Variants in ZNF431 observed in about 807,000 individuals in gnomAD.
The protein encoded by ZNF431 is zinc finger protein 431.
In ZNF431, 34 loss-of-function variants were observed where a neutral mutation model predicts 57.0. The ratio of observed to expected loss-of-function variants is 0.60; its 90% CI spans 0.45 to 0.79. The LOEUF is 0.79. Ranked by LOEUF, ZNF431 falls within the 30% of genes least tolerant of loss-of-function variation. The probability of loss-of-function intolerance (pLI) is 0.00; values close to 1 mark genes in which losing one functional copy is unlikely to be tolerated. For synonymous variants in ZNF431, 207 were observed against 220.3 expected, an observed-to-expected ratio of 0.94 and a Z score of 0.54; for missense variants, 607 against 667.1, an observed-to-expected ratio of 0.91 and a Z score of 0.99.
chr19:21,145,310 C>T lies in ZNF431; in HGVS notation c.96+1667C>T, dbSNP rs181988010. Among the ~76,000 whole-genome samples the T allele has an allele frequency of 8.5e-5, 13 of 152,128 alleles. No individual in the cohort carries two copies. In the East Asian group the frequency reaches 2.5e-3, roughly 29 times the overall value. ...CTAACACGGTGAAAGCCCGTCTCTACTAAAAATACAAAAAAATTAGCCAGG... is the reference window on the plus strand; with the variant it reads ...CTAACACGGTGAAAGCCCGTCTCTATTAAAAATACAAAAAAATTAGCCAGG... On this transcript the variant is annotated intron_variant, in intron 2 of 4. Coordinates refer to ENST00000311048, the MANE Select transcript of ZNF431 (RefSeq NM_133473.4).
At chr19:21,149,676 G>A in intron 2 of ZNF431, 1 of 566,618 alleles carries the variant, frequency 1.8e-6, no homozygotes. Context: ...AAGTTCTTTA[G>A]TCTTTGCCTT....
chr19:21,176,757 G>T (rs1050703123), intron 4 of ZNF431, among the ~76,000 whole-genome samples: 2 of 151,954 alleles, frequency 1.3e-5, no homozygotes, highest in African/African-American at 4.8e-5. Context: ...GAGTGCAGTG[G>T]CACGGTCTTG....
intron 1 of ZNF431, among the ~76,000 whole-genome samples, chr19:21,143,338 G>GT (rs1231468991): frequency 6.6e-6 from 1 of 152,062 alleles, no homozygotes; most frequent in Non-Finnish European, 1.5e-5. Context: ...TTTTCTCCTT[G>GT]TATCTTCTCT....
chr19:21,159,410 G>C (rs924993596), intron 2 of ZNF431, among the ~76,000 whole-genome samples: 7 of 152,002 alleles, frequency 4.6e-5, no homozygotes, highest in African/African-American at 1.7e-4. Flanking sequence ...GTCTCACTCT[G>C]TTGCCAGGCT....
At chr19:21,174,018 G>A (rs558935688) in intron 4 of ZNF431, among the ~76,000 whole-genome samples, 12 of 144,048 alleles carry the variant, frequency 8.3e-5, no homozygotes, top group South Asian at 6.8e-4. Flanking sequence ...CAATCTCGAC[G>A]CACTGCAACC....
At chr19:21,167,299 A>G (rs1186494129) in intron 3 of ZNF431, among the ~76,000 whole-genome samples, 1 of 151,564 alleles carries the variant, frequency 6.6e-6, no homozygotes, top group Non-Finnish European at 1.5e-5. Context: ...TGCTGGGACT[A>G]CAGGCACCTG....
chr19:21,178,291 A>G (rs2145036772), intron 4 of ZNF431, among the ~76,000 whole-genome samples: 1 of 151,986 alleles, frequency 6.6e-6, no homozygotes, highest in South Asian at 2.1e-4. Context: ...TTCCTATTTG[A>G]ATATCACTTA....
chr19:21,183,364 A>T lies in ZNF431; in HGVS notation c.1061A>T (p.Asn354Ile). The change falls in exon 5 of 5, where the codon AAT (asparagine) becomes ATT (isoleucine). Residue 354 changes from asparagine to isoleucine, a missense_variant. Coordinates refer to ENST00000311048, the MANE Select transcript of ZNF431 (RefSeq NM_133473.4). ...YKCEECDKAF[N>I]RFSYLTKHKI... ...TGTGAGGAATGTGACAAAGCTTTTA[A>T]TCGATTCTCATACCTTACTAAACAT... The T allele has an allele frequency of 6.2e-7, 1 of 1,613,774 alleles. No individual in the cohort carries two copies. Among genetic ancestry groups the T allele is most frequent in the Non-Finnish European group, 8.5e-7 (1 of 1,179,838 alleles).
chr19:21,155,198 T>A (rs1486654016), intron 2 of ZNF431, among the ~76,000 whole-genome samples: 1 of 152,214 alleles, frequency 6.6e-6, no homozygotes, highest in Non-Finnish European at 1.5e-5. Context: ...AATTTTTGTA[T>A]AAGGTGTAAG....
chr19:21,176,196 A>C (rs1971047109), intron 4 of ZNF431, among the ~76,000 whole-genome samples: 1 of 150,698 alleles, frequency 6.6e-6, no homozygotes, highest in Non-Finnish European at 1.5e-5. Flanking sequence ...GCTCCACATA[A>C]ATGTCTTCTT....
rs1381284005 is a variant in ZNF431 at position 21,189,445 on chromosome 19, T to C, written c.*5411T>C. 6.6e-6 allele frequency: 1 copy of C among 151,426 alleles called. No individual in the cohort carries two copies. The highest frequency in any genetic ancestry group is 2.4e-5 in the African/African-American group (1 of 41,088). 9.4% of individuals were successfully genotyped at this position (151,426 alleles called of 1,614,324 possible). Reference sequence around the variant, plus strand: ...TTGCAGGGAGCCGAGATTGCACCACTGCACTCCAGACTGGGGGACAGAGTG... The same window carrying C: ...TTGCAGGGAGCCGAGATTGCACCACCGCACTCCAGACTGGGGGACAGAGTG... On this transcript the variant is annotated 3_prime_UTR_variant, in exon 5 of 5. Coordinates refer to ENST00000311048, the MANE Select transcript of ZNF431 (RefSeq NM_133473.4).
rs141424919 is a variant in ZNF431 at position 21,170,114 on chromosome 19, A to G, written c.319+2448A>G. Among the ~76,000 whole-genome samples the G allele has an allele frequency of 7.5e-4, 114 of 152,236 alleles. 1 individual carries two copies. The highest frequency in any genetic ancestry group is 2.6e-3 in the African/African-American group (106 of 41,562). ...CTGTCCTCTGAAAAAACACTCCTCAATCTTGGGCTTTAGCAGAGTTTCACA... is the reference window on the plus strand; with the variant it reads ...CTGTCCTCTGAAAAAACACTCCTCAGTCTTGGGCTTTAGCAGAGTTTCACA... On this transcript the variant is annotated intron_variant, in intron 4 of 4. Coordinates refer to ENST00000311048, the MANE Select transcript of ZNF431 (RefSeq NM_133473.4).
chr19:21,164,192 TCTAAG>T (rs1163844762), intron 2 of ZNF431, among the ~76,000 whole-genome samples: 1 of 152,060 alleles, frequency 6.6e-6, no homozygotes, highest in African/African-American at 2.4e-5. Flanking sequence ...CTCATGTGAC[TCTAAG>T]CTGAGGCCAG....
intron 2 of ZNF431, among the ~76,000 whole-genome samples, chr19:21,157,556 C>T (rs1970451431): frequency 6.6e-6 from 1 of 151,252 alleles, no homozygotes. Flanking sequence ...TTTTTTTAGA[C>T]AGAGTCTTGC....
At chr19:21,151,704 G>A (rs1176426472) in intron 2 of ZNF431, among the ~76,000 whole-genome samples, 1 of 152,130 alleles carries the variant, frequency 6.6e-6, no homozygotes, top group Non-Finnish European at 1.5e-5. Flanking sequence ...GCCTTAAGGG[G>A]TCCTAGGCCT....
chr19:21,161,714 C>T (rs776592647), intron 2 of ZNF431, among the ~76,000 whole-genome samples: 31 of 151,724 alleles, frequency 2.0e-4, no homozygotes, highest in African/African-American at 5.6e-4. Context: ...AGTGCAGTGG[C>T]GCAATCTAGG....
intron 2 of ZNF431, among the ~76,000 whole-genome samples, chr19:21,154,627 G>T (rs1970368235): frequency 6.6e-6 from 1 of 152,062 alleles, no homozygotes; most frequent in Non-Finnish European, 1.5e-5. Flanking sequence ...CTAGTTTACA[G>T]TCCCACCAAC....
intron 4 of ZNF431, among the ~76,000 whole-genome samples, chr19:21,182,276 G>A (rs774069860): frequency 6.6e-6 from 1 of 152,008 alleles, no homozygotes; most frequent in South Asian, 2.1e-4. Context: ...AAAAAGAAAC[G>A]AAAAGTTAGC....
At chr19:21,180,276 G>A (rs777644366) in intron 4 of ZNF431, among the ~76,000 whole-genome samples, 2 of 152,152 alleles carry the variant, frequency 1.3e-5, no homozygotes, top group Non-Finnish European at 2.9e-5. Flanking sequence ...TAGCATAATT[G>A]ATCTTTGTAC....
Sources: gnomAD v4.1 joint callset for allele counts (sites outside exome capture counted in the v4.1 genomes callset) on GRCh38, gnomAD v4.1.1 for gene constraint, MANE v1.5 for transcripts, NCBI Gene and HGNC (gene_info 2026-07-23, HGNC 2026-07-21) for gene names.